HPS4: variants seen among roughly 807,000 people sequenced by gnomAD.
The protein encoded by HPS4 is BLOC-3 complex member HPS4.
A neutral mutation model predicts 70.3 loss-of-function variants in HPS4; 44 were observed. The observed-to-expected ratio is 0.63, with a 90% CI of 0.49 to 0.80. The LOEUF (loss-of-function observed/expected upper bound fraction) is 0.80, where lower values mean the gene tolerates loss of function less well. Among genes scored for constraint, HPS4 ranks in the 30% least tolerant of loss-of-function variants. The pLI is 0.00. For missense variants in HPS4, 873 were observed against 884.4 expected (o/e 0.99, Z 0.16); for synonymous variants, 377 against 355.9 (o/e 1.06, Z -0.67).
At chr22:26,480,259 T>C (rs1258474061) in intron 2 of HPS4, among the ~76,000 whole-genome samples, 1 of 152,060 alleles carries the variant, frequency 6.6e-6, no homozygotes. Context: ...GCAAACTCAA[T>C]CTCCCAGGCT....
In HPS4 at chr22:26,452,004, G is replaced by GCA. The variant is rs134978; in HGVS notation, c.*1227_*1228dup. 425 of 106,170 alleles carry GCA rather than the reference G, an allele frequency of 4.0e-3. 3 individuals carry two copies. The highest frequency in any genetic ancestry group is 0.01 in the South Asian group (44 of 4,314). The allele number at this position is 106,170 out of a possible 1,614,324, so 6.6% of individuals were successfully genotyped here. A position where few individuals can be genotyped will look rare whatever the true frequency, so the allele number is the denominator to read the frequency against. On this transcript the variant is annotated 3_prime_UTR_variant, in exon 14 of 14. Transcript: ENST00000398145. The stretch of plus-strand genomic sequence containing the variant: ...CCACGTTACGCGCGCGCGCGCGCGC[G>GCA]CACACACACACACACACACACACAC...
At chr22:26,445,516 A>G (rs2084925263) in intron 3 of HPS4, among the ~76,000 whole-genome samples, 1 of 152,162 alleles carries the variant, frequency 6.6e-6, no homozygotes, top group Non-Finnish European at 1.5e-5. Context: ...TTAAGGAGCA[A>G]TAGATGTCTA....
intron 1 of HPS4, among the ~76,000 whole-genome samples, chr22:26,482,510 T>C (rs1051795838): frequency 4.6e-5 from 7 of 152,188 alleles, no homozygotes; most frequent in East Asian, 3.8e-4. Context: ...AATAAACCAG[T>C]TGCTGTGGTA....
chr22:26,463,896 A>G (rs778431397), intron 11 of HPS4, 21 bp downstream of exon 11: 1 of 1,610,436 alleles, frequency 6.2e-7, no homozygotes, highest in Non-Finnish European at 8.5e-7. Context: ...GAGGGGCAGG[A>G]GAAGGTCTGA....
At chr22:26,474,814 A>G (rs549112619) in intron 4 of HPS4, among the ~76,000 whole-genome samples, 1 of 152,366 alleles carries the variant, frequency 6.6e-6, no homozygotes, top group East Asian at 1.9e-4. Context: ...AGTGGTCATT[A>G]AGCACATGAA....
At chr22:26,458,344 G>A in intron 12 of HPS4, 101 bp downstream of exon 12, 1 of 1,457,242 alleles carries the variant, frequency 6.9e-7, no homozygotes, top group African/African-American at 1.4e-5. Context: ...AGACAACTCT[G>A]TGCACAGCCG....
chr22:26,460,547 T>G (rs974231746), intron 11 of HPS4, among the ~76,000 whole-genome samples: 1 of 152,230 alleles, frequency 6.6e-6, no homozygotes, highest in African/African-American at 2.4e-5. Context: ...GAGTGAGCCA[T>G]GCCAAAAACT....
intron 8 of HPS4, 127 bp downstream of exon 8, chr22:26,468,424 T>G: frequency 1.3e-6 from 1 of 789,486 alleles, no homozygotes; most frequent in South Asian, 1.5e-5. Flanking sequence ...TTGGAGGACT[T>G]GGGGTCCTGA....
intron 13 of HPS4, 134 bp downstream of exon 13, chr22:26,457,725 A>G: frequency 1.4e-6 from 1 of 722,640 alleles, no homozygotes; most frequent in South Asian, 1.5e-5. Flanking sequence ...AGGAACCGAC[A>G]AAGGAAGGCC....
chr22:26,464,013 C>G lies in HPS4; in HGVS notation c.1617G>C (p.Val539=). The change falls in exon 11 of 14, where the codon GTG becomes GTC. Residue 539 remains valine, a synonymous_variant. Coordinates refer to ENST00000398145, the MANE Select transcript of HPS4 (RefSeq NM_022081.6). ...CGCAGTGAGTGTAGAGATTCATCCT[C>G]ACGAGCCCCATGCAGGACTCTGCTG... ...LTPAESCMGL[V]RMNLYTHCVK... 1 of 1,614,260 alleles carries G rather than the reference C, an allele frequency of 6.2e-7. No individual in the cohort carries two copies. Among genetic ancestry groups the G allele is most frequent in the Non-Finnish European group, 8.5e-7 (1 of 1,180,048 alleles).
intron 3 of HPS4, among the ~76,000 whole-genome samples, chr22:26,445,265 CG>C (rs2084915155): frequency 6.6e-6 from 1 of 151,982 alleles, no homozygotes; most frequent in Non-Finnish European, 1.5e-5. Flanking sequence ...ACCTGGGAGG[CG>C]GGGGCTGCAG....
intron 2 of HPS4, among the ~76,000 whole-genome samples, chr22:26,481,087 T>C (rs944280037): frequency 4.6e-5 from 7 of 152,014 alleles, no homozygotes; most frequent in African/African-American, 1.7e-4. Flanking sequence ...CATCCTCCCC[T>C]GTCCCCACGT....
At chr22:26,465,786 G>A (rs1386704764) in intron 9 of HPS4, 12 of 581,170 alleles carry the variant, frequency 2.1e-5, no homozygotes, top group East Asian at 2.9e-5. Flanking sequence ...GAAGATGTTC[G>A]GGAGAGAAAG....
intron 3 of HPS4, 56 bp downstream of exon 3, chr22:26,479,209 T>C (rs2090994933): frequency 3.8e-6 from 6 of 1,577,268 alleles, no homozygotes; most frequent in African/African-American, 2.7e-5. Flanking sequence ...TTTTGAAAAG[T>C]CACCACTTGG....
At chr22:26,465,888 A>T (rs191483555) in intron 9 of HPS4, 72 of 585,770 alleles carry the variant, frequency 1.2e-4, no homozygotes, top group African/African-American at 1.1e-3. Context: ...AACTCTCCTG[A>T]GGACGCCTCC....
chr22:26,465,893 G>A (rs961624925), intron 9 of HPS4: 5 of 593,486 alleles, frequency 8.4e-6, no homozygotes, highest in South Asian at 1.9e-5. Flanking sequence ...TCCTGAGGAC[G>A]CCTCCACATC....
At chr22:26,473,046 A>G (rs2090061543) in intron 4 of HPS4, 107 bp from the exon 5 acceptor site, 2 of 896,902 alleles carry the variant, frequency 2.2e-6, no homozygotes, top group African/African-American at 3.3e-5. Context: ...TGGCCCATCG[A>G]AATTGATCTT....
At chr22:26,469,117 A>G (rs2089291612) in intron 7 of HPS4, among the ~76,000 whole-genome samples, 2 of 152,118 alleles carry the variant, frequency 1.3e-5, no homozygotes, top group Non-Finnish European at 2.9e-5. Context: ...AAAGAGCAAG[A>G]TGCCCACCAA....
chr22:26,464,262 G>A lies in HPS4; in HGVS notation c.1368C>T (p.Pro456=). 1 of 1,614,140 alleles carries A rather than the reference G, an allele frequency of 6.2e-7. No homozygotes were observed. Among genetic ancestry groups the A allele is most frequent in the Admixed American group, 1.7e-5 (1 of 60,034 alleles). Residue 456 remains proline (P), a synonymous_variant, in exon 11 of 14, where the codon CCC becomes CCT. Transcript: ENST00000398145. ...TCCTTCTGGGGAGAGGGTCTGCTCTGGGAATGGGGGCTTGGCTGCTATGGC... is the reference window on the plus strand; with the variant it reads ...TCCTTCTGGGGAGAGGGTCTGCTCTAGGAATGGGGGCTTGGCTGCTATGGC... ...HPGHSSQAPI[P]RADPLPRRTR...
Sources: gnomAD v4.1 joint callset for allele counts (sites outside exome capture counted in the v4.1 genomes callset) on GRCh38, gnomAD v4.1.1 for gene constraint, MANE v1.5 for transcripts, NCBI Gene and HGNC (gene_info 2026-07-23, HGNC 2026-07-21) for gene names.